Variants in BLK observed in about 807,000 individuals in gnomAD.
BLK encodes tyrosine-protein kinase Blk.
Under a neutral mutation model 61.8 loss-of-function variants are expected in BLK, and 64 were observed. The ratio of observed to expected loss-of-function variants is 1.03; its 90% CI spans 0.85 to 1.27. The LOEUF is 1.27. Ranked by LOEUF, BLK falls within the 50% of genes most tolerant of loss-of-function variation. The probability of loss-of-function intolerance (pLI) is 0.00; values close to 1 mark genes in which losing one functional copy is unlikely to be tolerated. For synonymous variants in BLK, 351 were observed against 272.0 expected (o/e 1.29, Z -2.86); for missense variants, 853 against 660.5 (o/e 1.29, Z -3.19).
At chr8:11,508,055 T>A (rs1299588439) in intron 1 of BLK, among the ~76,000 whole-genome samples, 1 of 152,032 alleles carries the variant, frequency 6.6e-6, no homozygotes. Context: ...AGTCATGTGG[T>A]CCTCACAACA....
intron 1 of BLK, among the ~76,000 whole-genome samples, chr8:11,525,014 T>C (rs1212563416): frequency 1.3e-5 from 2 of 152,176 alleles, no homozygotes; most frequent in East Asian, 1.9e-4. Context: ...TCTTTCACTC[T>C]ATTTTCTGAA....
At chr8:11,544,077 C>G (rs898747779) in intron 2 of BLK, among the ~76,000 whole-genome samples, 9 of 151,976 alleles carry the variant, frequency 5.9e-5, no homozygotes, top group Non-Finnish European at 8.8e-5. Context: ...ATTCTCGTAC[C>G]TCAGCCTTCT....
At chr8:11,549,747 A>C (rs879461522) in intron 5 of BLK, among the ~76,000 whole-genome samples, 1 of 152,224 alleles carries the variant, frequency 6.6e-6, no homozygotes, top group Non-Finnish European at 1.5e-5. Flanking sequence ...GAACAACCCC[A>C]TACCGAAGGG....
chr8:11,549,577 C>G (rs978408817), intron 5 of BLK, among the ~76,000 whole-genome samples: 1 of 152,228 alleles, frequency 6.6e-6, no homozygotes, highest in Non-Finnish European at 1.5e-5. Context: ...CCCCATGGCA[C>G]TGGGAATTTC....
chr8:11,499,691 C>A (rs553418087), intron 1 of BLK, among the ~76,000 whole-genome samples: 1 of 152,334 alleles, frequency 6.6e-6, no homozygotes, highest in South Asian at 2.1e-4. Flanking sequence ...AAATCCATGC[C>A]TCTCTGGAGC....
rs778435147 is a variant in BLK at position 11,548,108 on chromosome 8, G to C, written c.252G>C (p.Lys84Asn). The C allele has an allele frequency of 1.5e-5, 24 of 1,613,378 alleles. No homozygotes were observed. In the East Asian group the frequency reaches 5.1e-4, roughly 34 times the overall value. The change falls in exon 4 of 13, where the codon AAG (lysine) becomes AAC (asparagine). Residue 84 changes from lysine to asparagine, a missense_variant. Lys to Asn is a moderately conservative substitution (Grantham distance 94). Coordinates refer to ENST00000259089, the MANE Select transcript of BLK (RefSeq NM_001715.3). ...ACCTGCAGATGCTGAAGGGGGAGAA[G>C]CTACAGGTCCTGAAGGGGTGAGGTT... The part of the protein sequence containing the change: ...DRDLQMLKGE[K>N]LQVLKGTGDW...
intron 1 of BLK, among the ~76,000 whole-genome samples, chr8:11,525,389 T>C (rs993077137): frequency 6.6e-6 from 1 of 152,222 alleles, no homozygotes; most frequent in Non-Finnish European, 1.5e-5. Flanking sequence ...TTACCAAAAA[T>C]GTCCAGGTAT....
intron 1 of BLK, among the ~76,000 whole-genome samples, chr8:11,496,620 A>C (rs1181093721): frequency 1.3e-5 from 2 of 152,164 alleles, no homozygotes; most frequent in Non-Finnish European, 2.9e-5. Flanking sequence ...AGCGAAGCTC[A>C]CTGCACTGGT....
chr8:11,546,257 G>A (rs187911091), intron 3 of BLK, among the ~76,000 whole-genome samples, 154 bp downstream of exon 3: 1 of 152,156 alleles, frequency 6.6e-6, no homozygotes, highest in Non-Finnish European at 1.5e-5. Flanking sequence ...GTGCCTCTTG[G>A]GGCGTCTCTT....
rs1801557197 is a variant in BLK at position 11,562,906 on chromosome 8, G to GGGGTAGGGGTGAGGATGGA, written c.1181-63_1181-45dup. ...GCTTGATGGAAGGACAGCAGGAGCA[G>GGGGTAGGGGTGAGGATGGA]GGGTAGGGGTGAGGATGGAGGGTAG... On this transcript the variant is annotated intron_variant, in intron 11 of 12. Transcript: ENST00000259089. 4 of 1,602,384 alleles carry GGGGTAGGGGTGAGGATGGA rather than the reference G, an allele frequency of 2.5e-6. No homozygotes were observed. The African/African-American group carries it at 5.3e-5, about 21-fold the overall frequency.
chr8:11,543,358 G>T lies in BLK; in HGVS notation c.123+11G>T. ...CCACTGCCGCCCCTGGTGAGTGATT[G>T]CCCACCCCCACCAAGAGCAGATTAC... On this transcript the variant is annotated intron_variant, in intron 2 of 12. Transcript: ENST00000259089. 2.5e-6 allele frequency: 4 copies of T among 1,612,256 alleles called. No homozygotes were observed. The highest frequency in any genetic ancestry group is 3.4e-6 in the Non-Finnish European group (4 of 1,179,958).
intron 1 of BLK, among the ~76,000 whole-genome samples, chr8:11,503,390 C>G (rs1384966244): frequency 1.3e-5 from 2 of 152,120 alleles, no homozygotes; most frequent in Non-Finnish European, 2.9e-5. Flanking sequence ...TTCCTCTGAT[C>G]AGAAAGATCT....
At chr8:11,529,349 G>T (rs896170650) in intron 1 of BLK, among the ~76,000 whole-genome samples, 11 of 152,176 alleles carry the variant, frequency 7.2e-5, no homozygotes, top group African/African-American at 2.7e-4. Flanking sequence ...GGTGGAGGAA[G>T]CCAGTGAGTC....
chr8:11,504,679 T>TA (rs1798701646), intron 1 of BLK, among the ~76,000 whole-genome samples: 1 of 152,196 alleles, frequency 6.6e-6, no homozygotes, highest in African/African-American at 2.4e-5. Context: ...CTGTCTCCAA[T>TA]ATGGTGACTT....
chr8:11,518,919 T>C (rs1342621599), intron 1 of BLK, among the ~76,000 whole-genome samples: 1 of 152,148 alleles, frequency 6.6e-6, no homozygotes, highest in Non-Finnish European at 1.5e-5. Flanking sequence ...CACTGAAGAC[T>C]CCAGCATACG....
chr8:11,553,412 G>A (rs777297500), intron 6 of BLK: 9 of 450,246 alleles, frequency 2.0e-5, no homozygotes, highest in South Asian at 1.4e-4. Context: ...GAAGCTGATA[G>A]GATCTGAGGT....
Position 11,543,216 on chromosome 8 carries a change from T to G in BLK, c.-1-8T>G. 6.2e-7 allele frequency: 1 copy of G among 1,613,642 alleles called. No individual in the cohort carries two copies. Among genetic ancestry groups the G allele is most frequent in the Non-Finnish European group, 8.5e-7 (1 of 1,179,922 alleles). On this transcript the variant is annotated splice_polypyrimidine_tract_variant and splice_region_variant and intron_variant, in intron 1 of 12. Coordinates refer to ENST00000259089, the MANE Select transcript of BLK (RefSeq NM_001715.3). ...TCATGTCCTCTGTCTGCTGTGTGTC[T>G]CCGACAGGATGGGGCTGGTAAGTAG... is the stretch of plus-strand genomic sequence containing the variant.
intron 6 of BLK, among the ~76,000 whole-genome samples, chr8:11,550,709 G>A (rs1252199931): frequency 3.9e-5 from 6 of 152,248 alleles, no homozygotes; most frequent in African/African-American, 7.2e-5. Flanking sequence ...AAGAGAAGAG[G>A]GTGGTAATTG....
chr8:11,518,003 G>A (rs762682870), intron 1 of BLK, among the ~76,000 whole-genome samples: 1 of 152,230 alleles, frequency 6.6e-6, no homozygotes, highest in Admixed American at 6.5e-5. Context: ...AGCTGGCTTT[G>A]CTTTGACCTC....
Sources: allele counts gnomAD v4.1 joint callset (sites outside exome capture counted in the v4.1 genomes callset), GRCh38; gene constraint gnomAD v4.1.1; transcripts MANE v1.5; gene names NCBI Gene and HGNC (gene_info 2026-07-23, HGNC 2026-07-21).